The following FBXL17 variants were observed in gnomAD, a reference collection of about 807,000 sequenced individuals.
FBXL17 encodes the protein F-box and leucine rich repeat protein 17, also known as F-box/LRR-repeat protein 17.
FBXL17 carries 22 observed loss-of-function variants against 66.2 expected under a neutral mutation model. The observed-to-expected ratio is 0.33, with a 90% confidence interval of 0.24 to 0.47. The LOEUF (loss-of-function observed/expected upper bound fraction) is 0.47, where lower values mean the gene tolerates loss of function less well. Among genes scored for constraint, FBXL17 ranks in the 20% least tolerant of loss-of-function variants. The pLI is 1.00. For synonymous variants in FBXL17, 474 were observed against 400.5 expected (o/e 1.18, Z -2.19); for missense variants, 878 against 948.2 (o/e 0.93, Z 0.97).
chr5:108,374,802 CAT>C lies in FBXL17; in HGVS notation c.993+5895_993+5896del, dbSNP rs1749306321. Among the ~76,000 whole-genome samples the C allele has an allele frequency of 2.6e-5, 4 of 152,166 alleles. No homozygotes were observed. In the South Asian group the frequency reaches 8.3e-4, roughly 32 times the overall value. On this transcript the variant is annotated intron_variant, in intron 1 of 8. Coordinates refer to ENST00000542267, the MANE Select transcript of FBXL17 (RefSeq NM_001163315.3). ...TAACAATCAACAAGTAAGAAGAACT[CAT>C]AAAGAAAACTAGAAAATAATTTGAA...
intron 4 of FBXL17, among the ~76,000 whole-genome samples, chr5:108,290,508 T>C (rs1360502947): frequency 6.6e-6 from 1 of 152,164 alleles, no homozygotes; most frequent in African/African-American, 2.4e-5. Context: ...TTCCTTCCCA[T>C]GTCAATTTCA....
intron 4 of FBXL17, among the ~76,000 whole-genome samples, chr5:108,230,401 T>C (rs757935552): frequency 2.6e-5 from 4 of 152,182 alleles, no homozygotes; most frequent in Non-Finnish European, 4.4e-5. Context: ...TAAAAGGCAA[T>C]GAATTAATGG....
intron 7 of FBXL17, among the ~76,000 whole-genome samples, chr5:107,955,593 G>A (rs1043067249): frequency 4.6e-4 from 70 of 152,292 alleles, no homozygotes; most frequent in African/African-American, 1.6e-3. Context: ...TTAGCAAAAT[G>A]TTACAGCACT....
At chr5:108,033,354 G>A (rs184713104) in intron 6 of FBXL17, among the ~76,000 whole-genome samples, 10 of 152,138 alleles carry the variant, frequency 6.6e-5, no homozygotes, top group Admixed American at 2.0e-4. Context: ...TATTTATTAA[G>A]TAAATTTTAC....
At chr5:108,004,650 G>C (rs1028609386) in intron 7 of FBXL17, among the ~76,000 whole-genome samples, 2 of 152,096 alleles carry the variant, frequency 1.3e-5, no homozygotes, top group African/African-American at 4.8e-5. Flanking sequence ...CTAGAGCTGG[G>C]AAAAACCAGG....
chr5:108,321,875 A>G (rs554523056), intron 4 of FBXL17, among the ~76,000 whole-genome samples: 2 of 151,954 alleles, frequency 1.3e-5, no homozygotes, highest in South Asian at 2.1e-4. Context: ...GAAAAAGATT[A>G]GCAACTCAGT....
At chr5:108,355,965 C>G (rs1321440787) in intron 3 of FBXL17, among the ~76,000 whole-genome samples, 1 of 151,986 alleles carries the variant, frequency 6.6e-6, no homozygotes, top group Non-Finnish European at 1.5e-5. Flanking sequence ...AAAACAAGAC[C>G]CAACTCTATG....
chr5:108,357,432 G>A (rs1748072583), intron 3 of FBXL17, among the ~76,000 whole-genome samples: 1 of 151,922 alleles, frequency 6.6e-6, no homozygotes, highest in African/African-American at 2.4e-5. Context: ...GATCCAGCAG[G>A]CAGAAAATTA....
rs77043818 is a variant in FBXL17 at position 108,267,331 on chromosome 5, A to G, written c.1507-43103T>C. On this transcript the variant is annotated intron_variant, in intron 4 of 8. Transcript: ENST00000542267. ...CCAAATTTTTACTACTGAACTAGAA[A>G]TCCAAGAACTACAATAAGAAATTTC... Among the ~76,000 whole-genome samples, 291 of 152,220 alleles carry G rather than the reference A, an allele frequency of 1.9e-3. 3 individuals are homozygous for G. The highest frequency in any genetic ancestry group is 0.01 in the Middle Eastern group (3 of 286).
chr5:108,283,937 T>A (rs1386825405), intron 4 of FBXL17, among the ~76,000 whole-genome samples: 1 of 151,900 alleles, frequency 6.6e-6, no homozygotes, highest in Non-Finnish European at 1.5e-5. Context: ...TATGAAACAA[T>A]ACTCCACATC....
chr5:107,975,130 A>T (rs752626596), intron 7 of FBXL17, among the ~76,000 whole-genome samples: 10 of 152,168 alleles, frequency 6.6e-5, no homozygotes, highest in Non-Finnish European at 2.9e-5. Context: ...TATAAAATCA[A>T]TTCTTAGATA....
intron 1 of FBXL17, among the ~76,000 whole-genome samples, chr5:108,371,578 G>C (rs1340845730): frequency 6.6e-6 from 1 of 152,126 alleles, no homozygotes; most frequent in Non-Finnish European, 1.5e-5. Context: ...AGAAAACCCA[G>C]ACATTGGACT....
rs1029728671 is a variant in FBXL17, at chr5:107,859,731, C to T, written c.*1989G>A. 1.3e-5 allele frequency: 2 copies of T among 152,002 alleles called. No homozygotes were observed. The highest frequency in any genetic ancestry group is 2.9e-5 in the Non-Finnish European group (2 of 67,994). 9.4% of individuals were successfully genotyped at this position (152,002 alleles called of 1,614,324 possible). On this transcript the variant is annotated 3_prime_UTR_variant, in exon 9 of 9. Transcript: ENST00000542267. The stretch of plus-strand genomic sequence containing the variant: ...CCATCTATATCATAGATGGCTCTCC[C>T]TTCTTTTGTCTTTTTTAACTATTTA...
intron 4 of FBXL17, among the ~76,000 whole-genome samples, chr5:108,310,325 T>C (rs1314732582): frequency 6.6e-6 from 1 of 152,212 alleles, no homozygotes; most frequent in African/African-American, 2.4e-5. Flanking sequence ...ACATAATCAA[T>C]GGACAGTTCC....
At chr5:107,960,394 C>T (rs1387316475) in intron 7 of FBXL17, among the ~76,000 whole-genome samples, 1 of 152,116 alleles carries the variant, frequency 6.6e-6, no homozygotes, top group Non-Finnish European at 1.5e-5. Context: ...CTGTGCAACA[C>T]ACCTCAAAAA....
chr5:107,910,892 A>G (rs868553307), intron 7 of FBXL17, among the ~76,000 whole-genome samples: 1 of 152,246 alleles, frequency 6.6e-6, no homozygotes, highest in African/African-American at 2.4e-5. Flanking sequence ...AAAGGACATT[A>G]AGGAAGACCT....
At chr5:108,211,709 T>C (rs973018672) in intron 5 of FBXL17, among the ~76,000 whole-genome samples, 8 of 152,238 alleles carry the variant, frequency 5.3e-5, no homozygotes, top group Non-Finnish European at 1.0e-4. Context: ...TTAAGTCTGA[T>C]GGGCTTCCCT....
At chr5:108,227,570 G>A (rs1483868357) in intron 4 of FBXL17, among the ~76,000 whole-genome samples, 1 of 152,198 alleles carries the variant, frequency 6.6e-6, no homozygotes, top group East Asian at 1.9e-4. Context: ...GCTTTAGCAT[G>A]GGTGACTCTT....
intron 6 of FBXL17, among the ~76,000 whole-genome samples, chr5:108,071,831 A>G (rs1748345983): frequency 1.3e-5 from 2 of 152,130 alleles, no homozygotes; most frequent in Non-Finnish European, 1.5e-5. Flanking sequence ...GTTATAATCT[A>G]GTTTAGAGTA....
Sources: allele counts gnomAD v4.1 joint callset (sites outside exome capture counted in the v4.1 genomes callset), GRCh38; gene constraint gnomAD v4.1.1; transcripts MANE v1.5; gene names NCBI Gene and HGNC (gene_info 2026-07-23, HGNC 2026-07-21).